The following IYD variants were observed in gnomAD, a reference collection of about 807,000 sequenced individuals.
IYD encodes the protein iodotyrosine deiodinase.
IYD carries 25 observed loss-of-function variants against 28.4 expected under a neutral mutation model. The ratio of observed to expected loss-of-function variants is 0.88; its 90% CI spans 0.64 to 1.23. The LOEUF (loss-of-function observed/expected upper bound fraction) is 1.23, where lower values mean the gene tolerates loss of function less well. Ranked by LOEUF, IYD falls within the 50% of genes most tolerant of loss-of-function variation. The probability of loss-of-function intolerance (pLI) is 0.00; values close to 1 mark genes in which losing one functional copy is unlikely to be tolerated. For synonymous variants in IYD, 140 were observed against 130.8 expected (o/e 1.07, Z -0.48); for missense variants, 352 against 357.9 (o/e 0.98, Z 0.13).
chr6:150,392,189 C>T (rs1778146416), intron 2 of IYD, 156 bp from the exon 3 acceptor site: 3 of 499,704 alleles, frequency 6.0e-6, no homozygotes, highest in Non-Finnish European at 7.8e-6. Flanking sequence ...CCAGCACACC[C>T]TGCTAGTTAA....
chr6:150,369,283 C>T, intron 1 of IYD, 74 bp downstream of exon 1: 1 of 1,439,624 alleles, frequency 6.9e-7, no homozygotes, highest in East Asian at 2.3e-5. Context: ...AATGGCAGGG[C>T]TTATGGAGAG....
At chr6:150,382,177 G>A (rs1247655141) in intron 1 of IYD, among the ~76,000 whole-genome samples, 1 of 152,120 alleles carries the variant, frequency 6.6e-6, no homozygotes, top group East Asian at 1.9e-4. Flanking sequence ...ATGACTGATT[G>A]CAGTGGTCGT....
At position 150,389,446 on chromosome 6, in the gene IYD, G is replaced by A; in HGVS notation, c.273G>A (p.Gln91=). 6.2e-7 allele frequency: 1 copy of A among 1,613,842 alleles called. No individual in the cohort carries two copies. ...YPEKEMVKRS[Q]EFYELLNKRR... ...AGAAGGAAATGGTTAAGAGGTCTCAGGAATTTTATGAACTTCTCAATAAGA... is the reference window on the plus strand; with the variant it reads ...AGAAGGAAATGGTTAAGAGGTCTCAAGAATTTTATGAACTTCTCAATAAGA... The change falls in exon 2 of 5, where the codon CAG becomes CAA. Residue 91 remains glutamine (Q), a synonymous_variant. Transcript: ENST00000344419.
intron 1 of IYD, among the ~76,000 whole-genome samples, chr6:150,377,248 G>A (rs1028666654): frequency 6.6e-6 from 1 of 152,184 alleles, no homozygotes; most frequent in Non-Finnish European, 1.5e-5. Context: ...CTTCGAGCTT[G>A]AATAATCCCT....
At chr6:150,379,238 C>G (rs923035976) in intron 1 of IYD, among the ~76,000 whole-genome samples, 12 of 152,128 alleles carry the variant, frequency 7.9e-5, no homozygotes, top group Non-Finnish European at 1.5e-4. Context: ...CCCATGTTAG[C>G]CAGTCTTTCG....
intron 1 of IYD, chr6:150,370,761 C>A: frequency 1.5e-6 from 1 of 654,236 alleles, no homozygotes; most frequent in Non-Finnish European, 1.9e-6. Flanking sequence ...GGAAGAGCAA[C>A]AGGGTTTGCT....
chr6:150,381,363 C>T (rs916929706), intron 1 of IYD, among the ~76,000 whole-genome samples: 1 of 152,138 alleles, frequency 6.6e-6, no homozygotes, highest in Non-Finnish European at 1.5e-5. Context: ...TGTCTTTTCT[C>T]CTTTTTTAGA....
chr6:150,380,170 C>T (rs1562313151), intron 1 of IYD, among the ~76,000 whole-genome samples: 1 of 152,156 alleles, frequency 6.6e-6, no homozygotes, highest in Non-Finnish European at 1.5e-5. Flanking sequence ...ATTTTGAGAA[C>T]TTTACCAAAT....
At chr6:150,390,956 G>A (rs1188039822) in intron 2 of IYD, among the ~76,000 whole-genome samples, 1 of 152,112 alleles carries the variant, frequency 6.6e-6, no homozygotes, top group Non-Finnish European at 1.5e-5. Flanking sequence ...TTCTCCAACT[G>A]GGCCCAGCGT....
At chr6:150,388,685 TC>T (rs1777992688) in intron 1 of IYD, among the ~76,000 whole-genome samples, 1 of 146,248 alleles carries the variant, frequency 6.8e-6, no homozygotes, top group African/African-American at 2.6e-5. Context: ...CTTTCTTTCT[TC>T]TTTCCTTCCT....
At chr6:150,379,869 C>T (rs1443878961) in intron 1 of IYD, among the ~76,000 whole-genome samples, 1 of 152,200 alleles carries the variant, frequency 6.6e-6, no homozygotes, top group East Asian at 1.9e-4. Context: ...ATCTCCTCTT[C>T]CTCTATAAAG....
chr6:150,382,262 G>A (rs545448627), intron 1 of IYD, among the ~76,000 whole-genome samples: 39 of 152,148 alleles, frequency 2.6e-4, no homozygotes, highest in Non-Finnish European at 5.1e-4. Context: ...AGCCCTTGCT[G>A]TGGTTGAGGC....
intron 1 of IYD, among the ~76,000 whole-genome samples, chr6:150,371,949 A>T (rs1777256323): frequency 1.3e-5 from 2 of 152,186 alleles, no homozygotes; most frequent in East Asian, 3.9e-4. Context: ...TCTCAGTCAC[A>T]GGGTGGTTGG....
At chr6:150,386,631 C>A (rs1777874187) in intron 1 of IYD, among the ~76,000 whole-genome samples, 1 of 152,014 alleles carries the variant, frequency 6.6e-6, no homozygotes, top group African/African-American at 2.4e-5. Context: ...GCATTAAGAT[C>A]TTTCACTGTG....
At chr6:150,394,041 G>C in intron 3 of IYD, 58 bp from the exon 4 acceptor site, 1 of 1,521,192 alleles carries the variant, frequency 6.6e-7, no homozygotes, top group Non-Finnish European at 9.1e-7. Context: ...AGCTAAGGTA[G>C]TAAAAGAGAA....
chr6:150,397,589 A>C (rs1433824338), intron 4 of IYD, among the ~76,000 whole-genome samples: 4 of 141,690 alleles, frequency 2.8e-5, no homozygotes, highest in East Asian at 2.0e-4. Context: ...ACAAAAAACA[A>C]AACCGAATAT....
chr6:150,395,299 G>T, intron 4 of IYD: 2 of 826,932 alleles, frequency 2.4e-6, no homozygotes, highest in East Asian at 5.3e-5. Flanking sequence ...AGAGACAATG[G>T]ATTAAAAAAA....
chr6:150,385,979 C>A (rs1205343460), intron 1 of IYD, among the ~76,000 whole-genome samples: 1 of 151,648 alleles, frequency 6.6e-6, no homozygotes, highest in Non-Finnish European at 1.5e-5. Flanking sequence ...CTTTTTCATT[C>A]CTGATATTTG....
chr6:150,398,495 A>C lies in IYD; in HGVS notation c.*258A>C. 2.1e-6 allele frequency: 1 copy of C among 472,840 alleles called. No homozygotes were observed. Among genetic ancestry groups the C allele is most frequent in the East Asian group, 3.6e-5 (1 of 28,078 alleles). 29.3% of individuals were successfully genotyped at this position (472,840 alleles called of 1,614,324 possible). ...CATGCCCGGGTTTTTACATTTTAAA[A>C]GTTATTCTAGACAATCACTATTGGC... On this transcript the variant is annotated 3_prime_UTR_variant, in exon 5 of 5. Coordinates refer to ENST00000344419, the MANE Select transcript of IYD (RefSeq NM_203395.3).
Sources: gnomAD v4.1 joint callset for allele counts (sites outside exome capture counted in the v4.1 genomes callset) on GRCh38, gnomAD v4.1.1 for gene constraint, MANE v1.5 for transcripts, NCBI Gene and HGNC (gene_info 2026-07-23, HGNC 2026-07-21) for gene names.